The following UBIAD1 variants were observed in gnomAD, a reference collection of about 807,000 sequenced individuals.
The protein encoded by UBIAD1 is ubiA prenyltransferase domain-containing protein 1.
UBIAD1 carries 12 observed loss-of-function variants against 20.1 expected under a neutral mutation model. That is an observed-to-expected ratio of 0.60 (90% CI 0.38 to 0.97). The LOEUF (loss-of-function observed/expected upper bound fraction) is 0.97. UBIAD1 is among the 50% of genes least tolerant of loss of function. UBIAD1 has a pLI of 0.00. For missense variants in UBIAD1, 333 were observed against 419.5 expected (o/e 0.79, Z 1.80); for synonymous variants, 207 against 189.2 (o/e 1.09, Z -0.77).
intron 1 of UBIAD1, among the ~76,000 whole-genome samples, chr1:11,276,209 G>GTATC (rs1652021544): frequency 6.6e-6 from 1 of 152,190 alleles, no homozygotes; most frequent in Non-Finnish European, 1.5e-5. Context: ...TATCTAGCGG[G>GTATC]TGGTAGTGGA....
chr1:11,278,747 C>T (rs976629029), intron 1 of UBIAD1: 14 of 630,060 alleles, frequency 2.2e-5, no homozygotes, highest in Non-Finnish European at 3.5e-5. Context: ...TGGTGTGCTG[C>T]GGTCATCCAC....
chr1:11,294,439 C>A (rs1252733950), intron 1 of UBIAD1, among the ~76,000 whole-genome samples: 1 of 152,216 alleles, frequency 6.6e-6, no homozygotes, highest in African/African-American at 2.4e-5. Context: ...AGCCACCACA[C>A]CCAGCCTTCA....
intron 1 of UBIAD1, among the ~76,000 whole-genome samples, chr1:11,274,303 A>G (rs1651912467): frequency 6.6e-6 from 1 of 152,150 alleles, no homozygotes; most frequent in East Asian, 1.9e-4. Flanking sequence ...TTTATTTTTT[A>G]TGTATTCATT....
intron 1 of UBIAD1, among the ~76,000 whole-genome samples, chr1:11,281,689 A>G (rs1186379488): frequency 6.6e-6 from 1 of 152,078 alleles, no homozygotes; most frequent in Non-Finnish European, 1.5e-5. Context: ...CATCACCCCC[A>G]AAAGCTTCCC....
chr1:11,276,016 G>A (rs1652012070), intron 1 of UBIAD1, among the ~76,000 whole-genome samples: 2 of 152,136 alleles, frequency 1.3e-5, no homozygotes, highest in Non-Finnish European at 2.9e-5. Flanking sequence ...CACTGGTCTT[G>A]GCTCTGGAAT....
At chr1:11,290,112 C>T (rs1638342798), downstream of UBIAD1, among the ~76,000 whole-genome samples, 1 of 152,186 alleles carries the variant, frequency 6.6e-6, no homozygotes, top group African/African-American at 2.4e-5. Flanking sequence ...GCTATCTACC[C>T]ATCTGGGCCT....
At chr1:11,284,984 C>T (rs928439804) in intron 1 of UBIAD1, among the ~76,000 whole-genome samples, 1 of 152,122 alleles carries the variant, frequency 6.6e-6, no homozygotes, top group Non-Finnish European at 1.5e-5. Context: ...GTGGGTTAGA[C>T]AGGCTTTGAA....
downstream of UBIAD1, among the ~76,000 whole-genome samples, chr1:11,289,564 T>C (rs1638330504): frequency 6.6e-6 from 1 of 152,006 alleles, no homozygotes; most frequent in Admixed American, 6.6e-5. Flanking sequence ...TCTTTATTTA[T>C]TTATTTATTA....
At chr1:11,276,805 C>T (rs758217940) in intron 1 of UBIAD1, among the ~76,000 whole-genome samples, 12 of 151,106 alleles carry the variant, frequency 7.9e-5, no homozygotes, top group South Asian at 2.1e-4. Flanking sequence ...ATGTCTGTTA[C>T]GTGTAACACA....
intron 1 of UBIAD1, 29 bp downstream of exon 1, chr1:11,274,089 A>C: frequency 1.9e-6 from 3 of 1,613,680 alleles, no homozygotes; most frequent in Non-Finnish European, 2.5e-6. Context: ...TGTGTGCTGC[A>C]GGTCTTAGTC....
At chr1:11,292,419 C>A (rs551072306), downstream of UBIAD1, among the ~76,000 whole-genome samples, 8 of 152,224 alleles carry the variant, frequency 5.3e-5, no homozygotes, top group African/African-American at 1.7e-4. Flanking sequence ...GATGATTCCT[C>A]GTCAGGAACA....
In UBIAD1 at chr1:11,285,902, C is replaced by T. The variant is rs1557520021; in HGVS notation, c.788C>T (p.Thr263Ile). The change falls in exon 2 of 2, where the codon ACA becomes ATA. Residue 263 changes from threonine (T) to isoleucine (I), a missense_variant. Thr to Ile is a moderately conservative substitution (Grantham distance 89, BLOSUM62 -1). Around this residue, in one of 3 missense-constraint regions of UBIAD1, gnomAD observed 226 missense variants for 263.5 expected, o/e 0.86. Coordinates refer to ENST00000376810, the MANE Select transcript of UBIAD1 (RefSeq NM_013319.3). This position sits in a 1 kb window ranked among gnomAD's most constrained non-coding sequence, Gnocchi z 4.4. ...GPTFSYILYN[T>I]LLFLPYLVFS... ...ACGTTCTCCTACATTCTCTACAACA[C>T]ACTGCTCTTCCTGCCCTACCTGGTC... 2.5e-6 allele frequency: 4 copies of T among 1,614,224 alleles called. No homozygotes were observed. In the East Asian group the frequency reaches 6.7e-5, roughly 27 times the overall value.
At chr1:11,275,495 C>A (rs755238276) in intron 1 of UBIAD1, among the ~76,000 whole-genome samples, 14 of 152,156 alleles carry the variant, frequency 9.2e-5, no homozygotes, top group Non-Finnish European at 1.5e-4. Flanking sequence ...AATCCCAGCC[C>A]TTTGGGAGGC....
At chr1:11,275,113 T>C (rs1651966217) in intron 1 of UBIAD1, among the ~76,000 whole-genome samples, 1 of 152,242 alleles carries the variant, frequency 6.6e-6, no homozygotes, top group African/African-American at 2.4e-5. Flanking sequence ...GCACCTATTA[T>C]GTGCCAGGCA....
rs1453947501 is a variant in UBIAD1, at chr1:11,278,760, T to C, written c.529+4700T>C. ...ACTGGTGTGCTGCGGTCATCCACCA[T>C]CCCACTGGAGTTATTTATTCCATTC... is the stretch of plus-strand genomic sequence containing the variant. On this transcript the variant is annotated intron_variant, in intron 1 of 1. Coordinates refer to ENST00000376810, the MANE Select transcript of UBIAD1 (RefSeq NM_013319.3). 8 of 573,592 alleles carry C rather than the reference T, an allele frequency of 1.4e-5. No individual in the cohort carries two copies. The Admixed American group carries it at 1.7e-4, about 12-fold the overall frequency. The allele number at this position is 573,592 out of a possible 1,614,324, so 35.5% of individuals were successfully genotyped here. A position where few individuals can be genotyped will look rare whatever the true frequency, so the allele number is the denominator to read the frequency against.
chr1:11,273,222 C>G lies in UBIAD1; in HGVS notation c.-310C>G, dbSNP rs1471509365. Reference sequence around the variant, plus strand: ...TGTTTCCGGGCGGGCCTCCAGAGGCCGGCGCACAAGATGGCGGCTCTGGCG... The same window carrying G: ...TGTTTCCGGGCGGGCCTCCAGAGGCGGGCGCACAAGATGGCGGCTCTGGCG... On this transcript the variant is annotated 5_prime_UTR_variant, in exon 1 of 2. Coordinates refer to ENST00000376810, the MANE Select transcript of UBIAD1 (RefSeq NM_013319.3). This position sits in a 1 kb window ranked among gnomAD's most constrained non-coding sequence, Gnocchi z 4.9. 2.7e-6 allele frequency: 1 copy of G among 373,052 alleles called. No individual in the cohort carries two copies. Among genetic ancestry groups the G allele is most frequent in the African/African-American group, 2.2e-5 (1 of 46,246 alleles). The allele number at this position is 373,052 out of a possible 1,614,324, so 23.1% of individuals were successfully genotyped here.
rs1291089355 is a variant in UBIAD1, at chr1:11,287,185, T to C, written c.*1054T>C. ...GCAGAGCAGGGACCCAGGGAATGAA[T>C]AGCCAGTGGACAAACAGTCTTGAGC... On this transcript the variant is annotated 3_prime_UTR_variant, in exon 2 of 2. Transcript: ENST00000376810. The C allele has an allele frequency of 2.6e-5, 4 of 152,390 alleles. No individual in the cohort carries two copies. Among genetic ancestry groups the C allele is most frequent in the Non-Finnish European group, 4.4e-5 (3 of 68,188 alleles). 9.4% of individuals were successfully genotyped at this position (152,390 alleles called of 1,614,324 possible).
At chr1:11,288,826 C>T (rs538764566), downstream of UBIAD1, among the ~76,000 whole-genome samples, 104 of 152,058 alleles carry the variant, frequency 6.8e-4, no homozygotes, top group African/African-American at 2.3e-3. Context: ...GTGGAAGGAT[C>T]GCTTGAACCT....
At position 11,278,763 on chromosome 1, in the gene UBIAD1, C is replaced by T. The variant is rs1159479028; in HGVS notation, c.529+4703C>T. The T allele has an allele frequency of 1.2e-5, 7 of 560,950 alleles. No homozygotes were observed. In the Admixed American group the frequency reaches 1.7e-4, roughly 14 times the overall value. The allele number at this position is 560,950 out of a possible 1,614,324, so 34.7% of individuals were successfully genotyped here. ...GGTGTGCTGCGGTCATCCACCATCCCACTGGAGTTATTTATTCCATTCATA... is the reference window on the plus strand; with the variant it reads ...GGTGTGCTGCGGTCATCCACCATCCTACTGGAGTTATTTATTCCATTCATA... On this transcript the variant is annotated intron_variant, in intron 1 of 1. Coordinates refer to ENST00000376810, the MANE Select transcript of UBIAD1 (RefSeq NM_013319.3).
Sources: allele counts gnomAD v4.1 joint callset (sites outside exome capture counted in the v4.1 genomes callset), GRCh38; gene constraint gnomAD v4.1.1; regional missense constraint gnomAD v4.1.1; non-coding constraint Gnocchi (gnomAD v3.1); transcripts MANE v1.5; gene names NCBI Gene and HGNC (gene_info 2026-07-23, HGNC 2026-07-21).